The following CAST variants were observed in gnomAD, a reference collection of about 807,000 sequenced individuals.
The protein encoded by CAST is MIR583 host.
A neutral mutation model predicts 119.6 loss-of-function variants in CAST; 76 were observed. The observed-to-expected ratio is 0.64, with a 90% CI of 0.53 to 0.77. The LOEUF (loss-of-function observed/expected upper bound fraction) is 0.77, where lower values mean the gene tolerates loss of function less well. CAST is among the 30% of genes least tolerant of loss of function. CAST has a pLI of 0.00. For missense variants in CAST, 953 were observed against 946.5 expected, an observed-to-expected ratio of 1.01 and a Z score of -0.09; for synonymous variants, 319 against 331.6, an observed-to-expected ratio of 0.96 and a Z score of 0.41.
the CAST span, among the ~76,000 whole-genome samples, chr5:96,065,558 A>T: frequency 6.6e-6 from 1 of 152,120 alleles, no homozygotes; most frequent in East Asian, 1.9e-4. Flanking sequence ...CTTTTATTTT[A>T]AAGCATTTAG....
chr5:96,592,014 A>C (rs923054596), intron 1 of CAST, among the ~76,000 whole-genome samples: 4 of 152,228 alleles, frequency 2.6e-5, no homozygotes, highest in African/African-American at 4.8e-5. Flanking sequence ...AATAGAATAT[A>C]GACCAAATTA....
At chr5:96,541,996 G>C (rs753934920) in intron 1 of CAST, among the ~76,000 whole-genome samples, 1 of 152,150 alleles carries the variant, frequency 6.6e-6, no homozygotes, top group South Asian at 2.1e-4. Context: ...GTGCAATTGC[G>C]GGATCATATG....
chr5:96,460,549 A>G, the CAST span, among the ~76,000 whole-genome samples: 5 of 145,560 alleles, frequency 3.4e-5, no homozygotes, highest in African/African-American at 1.3e-4. Flanking sequence ...TAAAATAAAT[A>G]AATAAATTCT....
chr5:96,111,537 C>G, the CAST span, among the ~76,000 whole-genome samples: 1 of 152,216 alleles, frequency 6.6e-6, no homozygotes, highest in Non-Finnish European at 1.5e-5. Flanking sequence ...CAGCCTCCAT[C>G]CTTCAAGACT....
chr5:95,962,883 G>A, the CAST span, among the ~76,000 whole-genome samples: 1 of 152,178 alleles, frequency 6.6e-6, no homozygotes, highest in African/African-American at 2.4e-5. Flanking sequence ...AGGCTGTCGA[G>A]GTTAAGCGAA....
At chr5:96,108,294 G>T in the CAST span, among the ~76,000 whole-genome samples, 1 of 152,166 alleles carries the variant, frequency 6.6e-6, no homozygotes, top group Non-Finnish European at 1.5e-5. Context: ...GAGGAGGAGA[G>T]GCCCTCTGCT....
chr5:96,087,252 A>G, the CAST span, among the ~76,000 whole-genome samples: 1 of 152,154 alleles, frequency 6.6e-6, no homozygotes, highest in African/African-American at 2.4e-5. Flanking sequence ...TTTCATTTAC[A>G]TTTTTTCCTG....
At chr5:96,746,320 T>C in intron 16 of CAST, 22 bp from the exon 17 acceptor site, 1 of 1,435,446 alleles carries the variant, frequency 7.0e-7, no homozygotes, top group Non-Finnish European at 9.8e-7. Flanking sequence ...ACTACTTTTT[T>C]TTTCCCCTCC....
intron 9 of CAST, among the ~76,000 whole-genome samples, chr5:96,733,840 G>A (rs975918268): frequency 2.0e-5 from 3 of 152,132 alleles, no homozygotes; most frequent in Non-Finnish European, 4.4e-5. Context: ...TCGCACCGTT[G>A]CACTCCAGCC....
chr5:96,662,699 G>A (rs1171486639), intron 1 of CAST, among the ~76,000 whole-genome samples: 1 of 139,550 alleles, frequency 7.2e-6, no homozygotes, highest in Non-Finnish European at 1.6e-5. Context: ...GGTCCAGTGC[G>A]CTGGGCGTGG....
the CAST span, among the ~76,000 whole-genome samples, chr5:96,468,266 C>T: frequency 6.6e-6 from 1 of 151,884 alleles, no homozygotes; most frequent in Non-Finnish European, 1.5e-5. Context: ...AAAAAAATGG[C>T]ACATGAGGTA....
chr5:96,083,064 A>G, the CAST span, among the ~76,000 whole-genome samples: 4 of 152,216 alleles, frequency 2.6e-5, no homozygotes, highest in East Asian at 1.9e-4. Flanking sequence ...ACCAAGAGCC[A>G]TCGGTTTAGA....
At chr5:96,595,048 T>G (rs1747030569) in intron 1 of CAST, among the ~76,000 whole-genome samples, 1 of 152,232 alleles carries the variant, frequency 6.6e-6, no homozygotes, top group South Asian at 2.1e-4. Context: ...ATTTGAACAC[T>G]GGCTAGGTCT....
At chr5:96,295,611 C>T in the CAST span, among the ~76,000 whole-genome samples, 9 of 152,208 alleles carry the variant, frequency 5.9e-5, no homozygotes, top group Middle Eastern at 3.4e-3. Flanking sequence ...AAAATATGTT[C>T]GTATCGACCT....
chr5:96,525,659 G>T (rs1745586506), upstream of CAST, among the ~76,000 whole-genome samples: 1 of 152,110 alleles, frequency 6.6e-6, no homozygotes, highest in Admixed American at 6.6e-5. Flanking sequence ...TTGTAATCCG[G>T]TGTTTCTGGA....
the CAST span, among the ~76,000 whole-genome samples, chr5:96,504,570 G>A: frequency 1.3e-5 from 2 of 149,888 alleles, no homozygotes; most frequent in Admixed American, 1.3e-4. Flanking sequence ...TCATCTTAAA[G>A]ACAGACCACT....
chr5:96,149,357 G>C, the CAST span, among the ~76,000 whole-genome samples: 47,349 of 152,090 alleles, frequency 0.31, 7,616 homozygotes, highest in Middle Eastern at 0.38. Context: ...TATTTGCTAG[G>C]CTATTTTTCT....
At chr5:96,596,436 T>C (rs1468014892) in intron 1 of CAST, among the ~76,000 whole-genome samples, 3 of 152,234 alleles carry the variant, frequency 2.0e-5, no homozygotes, top group Non-Finnish European at 4.4e-5. Context: ...CCTCTTGATA[T>C]TTGCTCAATC....
At chr5:96,442,590 T>C in the CAST span, among the ~76,000 whole-genome samples, 2 of 152,240 alleles carry the variant, frequency 1.3e-5, no homozygotes, top group African/African-American at 4.8e-5. Context: ...GGACAATCAT[T>C]TTCAGATGGT....
Sources: gnomAD v4.1 joint callset for allele counts (sites outside exome capture counted in the v4.1 genomes callset) on GRCh38, gnomAD v4.1.1 for gene constraint, MANE v1.5 for transcripts, NCBI Gene and HGNC (gene_info 2026-07-23, HGNC 2026-07-21) for gene names.